PCDH7: variants seen among roughly 807,000 people sequenced by gnomAD.
PCDH7 encodes the protein protocadherin 7.
In PCDH7, 17 loss-of-function variants were observed where a neutral mutation model predicts 58.9. The observed-to-expected ratio is 0.29, with a 90% CI of 0.20 to 0.43. The LOEUF is 0.43. Ranked by LOEUF, PCDH7 falls within the 20% of genes least tolerant of loss-of-function variation. The pLI is 1.00. For synonymous variants in PCDH7, 664 were observed against 616.4 expected (o/e 1.08, Z -1.14); for missense variants, 1,274 against 1,441.0 (o/e 0.88, Z 1.88).
intron 2 of PCDH7, among the ~76,000 whole-genome samples, chr4:30,921,900 G>A (rs1431086581): frequency 2.0e-5 from 3 of 151,728 alleles, no homozygotes; most frequent in East Asian, 3.9e-4. Context: ...TTGGATGTCA[G>A]CTTTATTAAA....
chr4:30,945,380 T>G (rs2109441061), intron 2 of PCDH7, among the ~76,000 whole-genome samples: 1 of 152,242 alleles, frequency 6.6e-6, no homozygotes. Context: ...GCTGGTAATT[T>G]TAAACACTTT....
chr4:31,136,493 C>T (rs1719620159), intron 3 of PCDH7, among the ~76,000 whole-genome samples: 1 of 152,168 alleles, frequency 6.6e-6, no homozygotes, highest in Non-Finnish European at 1.5e-5. Flanking sequence ...GATGCCACAG[C>T]AAGGATTGAT....
At chr4:31,052,107 C>T (rs1158626633) in intron 3 of PCDH7, among the ~76,000 whole-genome samples, 1 of 151,876 alleles carries the variant, frequency 6.6e-6, no homozygotes, top group African/African-American at 2.4e-5. Context: ...TATAATGTCC[C>T]TTTTTTTGTT....
At chr4:30,811,944 G>A (rs1464682930) in intron 1 of PCDH7, among the ~76,000 whole-genome samples, 1 of 152,182 alleles carries the variant, frequency 6.6e-6, no homozygotes. Context: ...CCAAGATCCA[G>A]ACTTGTGAAA....
chr4:30,955,088 G>T (rs1382106179), intron 3 of PCDH7, among the ~76,000 whole-genome samples: 1 of 151,828 alleles, frequency 6.6e-6, no homozygotes, highest in Non-Finnish European at 1.5e-5. Context: ...GAAAAATTTT[G>T]AATGATTATT....
chr4:30,928,373 G>A (rs1744157030), intron 2 of PCDH7, among the ~76,000 whole-genome samples: 1 of 152,110 alleles, frequency 6.6e-6, no homozygotes, highest in Admixed American at 6.6e-5. Context: ...TGCTAATAAA[G>A]CAAAGTAGAA....
At chr4:30,758,899 T>C (rs1414922861) in intron 1 of PCDH7, among the ~76,000 whole-genome samples, 1 of 151,508 alleles carries the variant, frequency 6.6e-6, no homozygotes, top group East Asian at 1.9e-4. Context: ...TGTTGATATG[T>C]GGCTTACCTG....
intron 2 of PCDH7, among the ~76,000 whole-genome samples, chr4:30,936,271 G>C (rs1292968617): frequency 1.3e-5 from 2 of 151,916 alleles, no homozygotes; most frequent in Non-Finnish European, 2.9e-5. Context: ...TGATGAAGGT[G>C]AGAAGAAGAT....
chr4:31,069,839 AT>A, intron 3 of PCDH7, among the ~76,000 whole-genome samples: 1 of 89,992 alleles, frequency 1.1e-5, no homozygotes. Flanking sequence ...TCTAATATAT[AT>A]TTTATATATA....
intron 1 of PCDH7, among the ~76,000 whole-genome samples, 172 bp from the exon 2 acceptor site, chr4:30,919,981 T>C (rs551160108): frequency 6.6e-6 from 1 of 152,352 alleles, no homozygotes; most frequent in South Asian, 2.1e-4. Flanking sequence ...ATCTAAGCTC[T>C]AGACATTGCC....
At chr4:30,868,469 A>C (rs2109359977) in intron 1 of PCDH7, among the ~76,000 whole-genome samples, 1 of 152,182 alleles carries the variant, frequency 6.6e-6, no homozygotes, top group Non-Finnish European at 1.5e-5. Context: ...GTTCTGATTT[A>C]GCTTCTCTGA....
chr4:30,978,265 C>A (rs1460113525), intron 3 of PCDH7, among the ~76,000 whole-genome samples: 1 of 152,110 alleles, frequency 6.6e-6, no homozygotes, highest in Admixed American at 6.5e-5. Context: ...CTGGGCGTGA[C>A]CTTGGAGAAC....
At chr4:31,077,044 A>G (rs1030846936) in intron 3 of PCDH7, among the ~76,000 whole-genome samples, 2 of 152,162 alleles carry the variant, frequency 1.3e-5, no homozygotes, top group Non-Finnish European at 2.9e-5. Flanking sequence ...GAAAAATTGT[A>G]ATGATTGGAA....
intron 1 of PCDH7, among the ~76,000 whole-genome samples, chr4:30,900,988 C>A (rs763628190): frequency 3.3e-5 from 5 of 152,100 alleles, no homozygotes; most frequent in Non-Finnish European, 5.9e-5. Context: ...TTTTTGATGT[C>A]ATCTTCATTG....
chr4:31,056,061 C>G (rs1757138804), intron 3 of PCDH7, among the ~76,000 whole-genome samples: 1 of 152,032 alleles, frequency 6.6e-6, no homozygotes, highest in Non-Finnish European at 1.5e-5. Flanking sequence ...GAATGTATCC[C>G]AGAAGTGGAC....
At chr4:31,030,093 G>A (rs992861307) in intron 3 of PCDH7, among the ~76,000 whole-genome samples, 2 of 151,854 alleles carry the variant, frequency 1.3e-5, no homozygotes, top group African/African-American at 2.4e-5. Flanking sequence ...TTCTAACTAT[G>A]ACTGACAGGA....
chr4:31,121,242 T>A (rs566663543), intron 3 of PCDH7, among the ~76,000 whole-genome samples: 52 of 152,290 alleles, frequency 3.4e-4, no homozygotes, highest in African/African-American at 1.2e-3. Flanking sequence ...TTAGGTTGAA[T>A]ACAATATTCA....
chr4:30,835,277 C>G (rs923504837), intron 1 of PCDH7, among the ~76,000 whole-genome samples: 12 of 152,218 alleles, frequency 7.9e-5, no homozygotes, highest in Non-Finnish European at 1.6e-4. Flanking sequence ...GGCCACACAG[C>G]AGGAGGTGAG....
rs941006467 is a variant in PCDH7 at position 30,994,705 on chromosome 4, C to T, written c.*7+44490C>T. Among the ~76,000 whole-genome samples the T allele has an allele frequency of 3.9e-5, 6 of 152,040 alleles. 1 individual carries two copies. The highest frequency in any genetic ancestry group is 8.8e-5 in the Non-Finnish European group (6 of 68,020). On this transcript the variant is annotated intron_variant, in intron 3 of 3. Coordinates refer to the PCDH7 transcript ENST00000509759. ...ATTTATTCAATGTTTTGGTAAAAGT[C>T]AAAGCATATAAACTTTGAAAATGTA...
Sources: allele counts gnomAD v4.1 joint callset (sites outside exome capture counted in the v4.1 genomes callset), GRCh38; gene constraint gnomAD v4.1.1; transcripts MANE v1.5; gene names NCBI Gene and HGNC (gene_info 2026-07-23, HGNC 2026-07-21).